LRRC74B: variants seen among roughly 807,000 people sequenced by gnomAD.
LRRC74B encodes leucine rich repeat containing 74B.
LRRC74B carries 30 observed loss-of-function variants against 16.6 expected under a neutral mutation model. The ratio of observed to expected loss-of-function variants is 1.80; its 90% confidence interval spans 1.35 to 2.45. LRRC74B has a LOEUF of 2.45. Among genes scored for constraint, LRRC74B ranks in the 30% most tolerant of loss-of-function variants. The probability of loss-of-function intolerance (pLI) is 0.00; values close to 1 mark genes in which losing one functional copy is unlikely to be tolerated. For missense variants in LRRC74B, 326 were observed against 202.4 expected (o/e 1.61, Z -3.71); for synonymous variants, 134 against 86.0 (o/e 1.56, Z -3.09).
chr22:21,056,666 T>A (rs752144985), intron 7 of LRRC74B: 13 of 186,008 alleles, frequency 7.0e-5, no homozygotes, highest in Non-Finnish European at 1.3e-4. Flanking sequence ...CCCCTGCCTT[T>A]GTTCCTCTGC....
At chr22:21,053,557 G>T in intron 6 of LRRC74B, 82 bp downstream of exon 6, 1 of 661,532 alleles carries the variant, frequency 1.5e-6, no homozygotes, top group South Asian at 1.7e-5. Flanking sequence ...CCGTGATGGG[G>T]ATTCCCGTGA....
intron 1 of LRRC74B, among the ~76,000 whole-genome samples, chr22:21,047,041 C>T (rs1161647095): frequency 4.0e-5 from 6 of 150,608 alleles, no homozygotes; most frequent in South Asian, 2.1e-4. Context: ...TTCAGTGAGC[C>T]GAGATCGTGC....
At chr22:21,055,452 A>G (rs1212490145) in intron 7 of LRRC74B, among the ~76,000 whole-genome samples, 1 of 151,800 alleles carries the variant, frequency 6.6e-6, no homozygotes, top group Non-Finnish European at 1.5e-5. Flanking sequence ...TGTCTCCCTC[A>G]TCTTCTCCCC....
chr22:21,046,885 A>AG (rs1929487410), intron 1 of LRRC74B, among the ~76,000 whole-genome samples: 1 of 151,982 alleles, frequency 6.6e-6, no homozygotes, highest in Non-Finnish European at 1.5e-5. Context: ...TGAGGTCAGG[A>AG]GTTCGAGACC....
intron 4 of LRRC74B, among the ~76,000 whole-genome samples, chr22:21,050,507 G>A (rs1016008697): frequency 6.6e-5 from 10 of 151,874 alleles, no homozygotes; most frequent in African/African-American, 9.7e-5. Flanking sequence ...GGCCGGGCCC[G>A]GTGGCTCACG....
exon 1 of LRRC74B, chr22:21,046,011 G>C (rs1049120277): frequency 2.8e-6 from 2 of 717,394 alleles, no homozygotes; most frequent in African/African-American, 1.7e-5. Flanking sequence ...TGAGAGGTCT[G>C]GGGAGGATGA....
At chr22:21,057,060 C>G (rs917666998) in intron 7 of LRRC74B, 45 bp from the exon 8 acceptor site, 2 of 715,164 alleles carry the variant, frequency 2.8e-6, no homozygotes, top group Non-Finnish European at 5.2e-6. Flanking sequence ...GCTCTCTGGC[C>G]TTCCCGGACC....
chr22:21,055,188 C>T lies in LRRC74B; in HGVS notation c.927+12C>T, dbSNP rs1197656191. On this transcript the variant is annotated intron_variant, in intron 7 of 8. Coordinates refer to ENST00000442047, the Ensembl canonical transcript of LRRC74B. Reference sequence around the variant, plus strand: ...TGAGGATTCTTGTAGTGAGTGCTAGCCTGATGACTGAGACACCAGCACAGA... The same window carrying T: ...TGAGGATTCTTGTAGTGAGTGCTAGTCTGATGACTGAGACACCAGCACAGA... The T allele has an allele frequency of 1.4e-6, 1 of 713,356 alleles. No homozygotes were observed. Among genetic ancestry groups the T allele is most frequent in the South Asian group, 1.5e-5 (1 of 67,200 alleles). 44.2% of individuals were successfully genotyped at this position (713,356 alleles called of 1,614,324 possible).
intron 6 of LRRC74B, chr22:21,054,141 T>C (rs432869): frequency 0.37 from 55,794 of 152,078 alleles, 13,366 homozygotes; most frequent in Non-Finnish European, 0.54. Flanking sequence ...GGCTAGGCAA[T>C]ATAGCATGAC....
At chr22:21,050,478 C>T (rs983146627) in intron 4 of LRRC74B, among the ~76,000 whole-genome samples, 1 of 151,876 alleles carries the variant, frequency 6.6e-6, no homozygotes, top group African/African-American at 2.4e-5. Context: ...TGCAAGAAGT[C>T]AGTGAAATTA....
At chr22:21,060,582 G>A, downstream of LRRC74B, 1 of 668,748 alleles carries the variant, frequency 1.5e-6, no homozygotes, top group South Asian at 1.7e-5. Context: ...TCCAGGGTGA[G>A]GAGCTCTTTG....
intron 4 of LRRC74B, 191 bp downstream of exon 4, chr22:21,049,348 T>C (rs1452385165): frequency 6.8e-6 from 4 of 587,948 alleles, no homozygotes; most frequent in South Asian, 2.3e-5. Flanking sequence ...CACAAATATC[T>C]CATTGCGCGC....
At chr22:21,052,544 C>T (rs1411543286) in intron 5 of LRRC74B, among the ~76,000 whole-genome samples, 186 bp downstream of exon 5, 3 of 152,334 alleles carry the variant, frequency 2.0e-5, no homozygotes, top group East Asian at 1.9e-4. Context: ...ACACTGTGCT[C>T]ACCGTCACAT....
At chr22:21,046,237 G>A in intron 1 of LRRC74B, 112 bp downstream of exon 1, 1 of 625,112 alleles carries the variant, frequency 1.6e-6, no homozygotes, top group South Asian at 1.9e-5. Flanking sequence ...CCGCCTGCGG[G>A]GCGCCTCCAG....
At chr22:21,047,731 G>C (rs375135422) in intron 2 of LRRC74B, among the ~76,000 whole-genome samples, 153 bp from the exon 3 acceptor site, 2 of 152,078 alleles carry the variant, frequency 1.3e-5, no homozygotes, top group African/African-American at 2.4e-5. Context: ...AGCTGGGGGT[G>C]GGGGGAGACC....
intron 3 of LRRC74B, chr22:21,048,483 G>C (rs1412621510): frequency 3.9e-6 from 1 of 253,192 alleles, no homozygotes; most frequent in Non-Finnish European, 7.8e-6. Context: ...CTGTGAAATG[G>C]CCCCCAAAAT....
intron 8 of LRRC74B, among the ~76,000 whole-genome samples, chr22:21,059,485 C>A (rs530145485): frequency 1.3e-5 from 2 of 152,270 alleles, no homozygotes; most frequent in African/African-American, 4.8e-5. Flanking sequence ...TCGCTTGAAC[C>A]AGAAAGCGGA....
chr22:21,047,523 C>A, intron 2 of LRRC74B, 25 bp downstream of exon 2: 1 of 716,368 alleles, frequency 1.4e-6, no homozygotes, highest in Non-Finnish European at 2.6e-6. Flanking sequence ...ACACTGTATC[C>A]AGGCTTACGG....
chr22:21,057,142 G>T, exon 8 of LRRC74B: 1 of 717,428 alleles, frequency 1.4e-6, no homozygotes, highest in Non-Finnish European at 2.6e-6. Context: ...GGCTGCTTTG[G>T]TCTCCTCAAG....
Sources: allele counts gnomAD v4.1 joint callset (sites outside exome capture counted in the v4.1 genomes callset), GRCh38; gene constraint gnomAD v4.1.1; transcripts MANE v1.5; gene names NCBI Gene and HGNC (gene_info 2026-07-23, HGNC 2026-07-21).